The following ABCA9 variants were observed in gnomAD, a reference collection of about 807,000 sequenced individuals.
ABCA9 encodes ATP-binding cassette sub-family A member 9.
Under a neutral mutation model 205.3 loss-of-function variants are expected in ABCA9, and 183 were observed. The ratio of observed to expected loss-of-function variants is 0.89; its 90% CI spans 0.79 to 1.01. The LOEUF (loss-of-function observed/expected upper bound fraction) is 1.01, where lower values mean the gene tolerates loss of function less well. Among genes scored for constraint, ABCA9 ranks in the 50% least tolerant of loss-of-function variants. The probability of loss-of-function intolerance (pLI) is 0.00; values close to 1 mark genes in which losing one functional copy is unlikely to be tolerated. For synonymous variants in ABCA9, 651 were observed against 683.3 expected (o/e 0.95, Z 0.74); for missense variants, 1,805 against 1,912.4 (o/e 0.94, Z 1.05).
At chr17:68,982,510 G>C in intron 37 of ABCA9, 52 bp downstream of exon 37, 1 of 1,383,434 alleles carries the variant, frequency 7.2e-7, no homozygotes, top group East Asian at 2.3e-5. Context: ...TTCTATGTCA[G>C]ATTTAGGCTT....
intron 31 of ABCA9, among the ~76,000 whole-genome samples, chr17:68,987,611 C>G (rs1015888303): frequency 6.6e-6 from 1 of 152,094 alleles, no homozygotes; most frequent in Non-Finnish European, 1.5e-5. Flanking sequence ...GAAGGTGCCT[C>G]AAGGCCAATG....
At chr17:68,992,882 C>CATGTGCATGTGTGTGCACGCATGCATGG (rs2069501416) in intron 27 of ABCA9, 134 bp downstream of exon 27, 1 of 620,408 alleles carries the variant, frequency 1.6e-6, no homozygotes, top group African/African-American at 1.9e-5. Flanking sequence ...CGCATGCATG[C>CATGTGCATGTGTGTGCACGCATGCATGG]ATGTGCATGT....
upstream of ABCA9, among the ~76,000 whole-genome samples, chr17:69,065,056 GT>G (rs761408376): frequency 6.6e-6 from 1 of 152,102 alleles, no homozygotes; most frequent in East Asian, 1.9e-4. Context: ...TAAGTTTGAG[GT>G]TTTTTTGTTT....
the ABCA9 span, among the ~76,000 whole-genome samples, chr17:69,072,145 G>A: frequency 6.6e-6 from 1 of 152,174 alleles, no homozygotes; most frequent in African/African-American, 2.4e-5. Context: ...GTGACGGGGA[G>A]AATGGAACCA....
intron 26 of ABCA9, among the ~76,000 whole-genome samples, chr17:68,994,961 A>G (rs1444464538): frequency 6.6e-6 from 1 of 152,156 alleles, no homozygotes; most frequent in Non-Finnish European, 1.5e-5. Context: ...GCTTTTTGCC[A>G]CATCTCCTAG....
intron 37 of ABCA9, among the ~76,000 whole-genome samples, chr17:68,982,133 CA>C (rs1360950753): frequency 1.3e-5 from 2 of 152,138 alleles, no homozygotes; most frequent in African/African-American, 4.8e-5. Flanking sequence ...AGGCAAAAAC[CA>C]AATTCATATG....
chr17:69,042,858 C>A (rs1263203518), intron 6 of ABCA9: 2 of 152,560 alleles, frequency 1.3e-5, no homozygotes, highest in African/African-American at 4.8e-5. Flanking sequence ...ACCTTTTTGG[C>A]ACCAGGGACC....
intron 6 of ABCA9, among the ~76,000 whole-genome samples, chr17:69,037,910 C>A (rs1191807366): frequency 1.3e-5 from 2 of 152,118 alleles, no homozygotes; most frequent in Non-Finnish European, 2.9e-5. Context: ...CACAGAAATA[C>A]AAACTACCAT....
rs1236203999 is a variant in ABCA9, at chr17:68,976,203, G to A, written c.4721-13C>T. The A allele has an allele frequency of 1.5e-5, 24 of 1,611,074 alleles. No homozygotes were observed. Among genetic ancestry groups the A allele is most frequent in the Non-Finnish European group, 2.0e-5 (24 of 1,178,392 alleles). On this transcript the variant is annotated splice_polypyrimidine_tract_variant and intron_variant, in intron 37 of 38. Transcript: ENST00000340001. ...AAACTCTGTTTAACTGCATAAGAAT[G>A]AGCATACATTAGGAATTCTATTTTT...
chr17:69,028,206 C>T (rs565145663), intron 12 of ABCA9, among the ~76,000 whole-genome samples: 7 of 152,200 alleles, frequency 4.6e-5, no homozygotes, highest in Admixed American at 3.3e-4. Flanking sequence ...CTCACTCTGT[C>T]GCCAGGCTGG....
At chr17:69,018,682 C>A in intron 19 of ABCA9, 103 bp from the exon 20 acceptor site, 1 of 876,196 alleles carries the variant, frequency 1.1e-6, no homozygotes, top group South Asian at 1.9e-5. Context: ...AAATTATAAT[C>A]AATAACCAAA....
the ABCA9 span, among the ~76,000 whole-genome samples, chr17:69,068,707 A>G: frequency 6.6e-6 from 1 of 152,212 alleles, no homozygotes; most frequent in Non-Finnish European, 1.5e-5. Flanking sequence ...AACTACTAAT[A>G]AATATCCTCC....
intron 37 of ABCA9, among the ~76,000 whole-genome samples, chr17:68,976,799 G>T (rs1012564236): frequency 1.3e-5 from 2 of 152,190 alleles, no homozygotes; most frequent in Non-Finnish European, 2.9e-5. Context: ...CCTTTGCAAA[G>T]AGTCTTCTGA....
rs571028841 is a variant in ABCA9 at position 69,028,454 on chromosome 17, C to T, written c.1615+81G>A. The T allele has an allele frequency of 2.2e-3, 2,175 of 974,898 alleles. 31 individuals are homozygous for T. The highest frequency in any genetic ancestry group is 6.7e-4 in the Non-Finnish European group (446 of 665,136). 60.4% of individuals were successfully genotyped at this position (974,898 alleles called of 1,614,324 possible). A position where few individuals can be genotyped will look rare whatever the true frequency, so the allele number is the denominator to read the frequency against. On this transcript the variant is annotated intron_variant, in intron 12 of 38. Transcript: ENST00000340001. ...TGCTGGGATTACAGGTGTGAGCCAC[C>T]GTGCCCAGCCCCAGTTAAATAATTA...
In ABCA9 at chr17:69,012,584, G is replaced by GA. The variant is rs545729382; in HGVS notation, c.3040-502dup. On this transcript the variant is annotated intron_variant, in intron 22 of 38. Coordinates refer to ENST00000340001, the MANE Select transcript of ABCA9 (RefSeq NM_080283.4). ...GAGTTTTGCTACAAGCCTTAATTTT[G>GA]AAAAAAAAATTTAAAATTTGTGGGT... Among the ~76,000 whole-genome samples, 633 of 150,444 alleles carry GA rather than the reference G, an allele frequency of 4.2e-3. 4 individuals carry two copies. The highest frequency in any genetic ancestry group is 0.015 in the African/African-American group (601 of 40,986).
At chr17:69,056,081 C>A (rs533650718) in intron 1 of ABCA9, among the ~76,000 whole-genome samples, 3 of 152,072 alleles carry the variant, frequency 2.0e-5, no homozygotes, top group East Asian at 3.9e-4. Context: ...CTAAAGCAAA[C>A]AATCTAAGCT....
At chr17:69,054,205 A>G (rs2071996658) in intron 1 of ABCA9, among the ~76,000 whole-genome samples, 1 of 152,188 alleles carries the variant, frequency 6.6e-6, no homozygotes, top group Admixed American at 6.6e-5. Flanking sequence ...TTATTTCAAA[A>G]GAAGTAAAAT....
At chr17:68,983,637 TATTCCGTCATCATAGCAGAA>T in intron 36 of ABCA9, 52 bp downstream of exon 36, 4 of 1,573,590 alleles carry the variant, frequency 2.5e-6, no homozygotes, top group Non-Finnish European at 3.5e-6. Context: ...ATAAAGCTCT[TATTCCGTCATCATAGCAGAA>T]ATATGGAAAC....
intron 26 of ABCA9, 34 bp from the exon 27 acceptor site, chr17:68,993,118 CCTT>C: frequency 1.3e-6 from 2 of 1,552,468 alleles, no homozygotes; most frequent in Non-Finnish European, 8.9e-7. Context: ...TTCAGGTGAA[CCTT>C]CTTTATTTAT....
Sources: gnomAD v4.1 joint callset for allele counts (sites outside exome capture counted in the v4.1 genomes callset) on GRCh38, gnomAD v4.1.1 for gene constraint, MANE v1.5 for transcripts, NCBI Gene and HGNC (gene_info 2026-07-23, HGNC 2026-07-21) for gene names.